The following UHRF2 variants were observed in gnomAD, a reference collection of about 807,000 sequenced individuals.
UHRF2 encodes ubiquitin like with PHD and ring finger domains 2.
UHRF2 carries 23 observed loss-of-function variants against 96.8 expected under a neutral mutation model. The observed-to-expected ratio is 0.24, with a 90% CI of 0.17 to 0.34. UHRF2 has a LOEUF of 0.34. Ranked by LOEUF, UHRF2 falls within the 10% of genes least tolerant of loss-of-function variation. The probability of loss-of-function intolerance (pLI) is 1.00; values close to 1 mark genes in which losing one functional copy is unlikely to be tolerated. For missense variants in UHRF2, 685 were observed against 981.5 expected (o/e 0.70, Z 4.04); for synonymous variants, 385 against 332.6 (o/e 1.16, Z -1.72).
intron 2 of UHRF2, among the ~76,000 whole-genome samples, chr9:6,421,614 A>G (rs543152868): frequency 6.6e-6 from 1 of 152,186 alleles, no homozygotes; most frequent in East Asian, 1.9e-4. Context: ...ACAGGGTTTC[A>G]CCATGTAGGC....
Position 6,500,490 on chromosome 9 carries a change from G to T in UHRF2, c.2006-62G>T. The stretch of plus-strand genomic sequence containing the variant: ...ATTACTTGTGCCAGTTAACTCTTTT[G>T]TTTCATAGTTCTGCTTAGAACCACT... On this transcript the variant is annotated intron_variant, in intron 13 of 15. Coordinates refer to ENST00000276893, the MANE Select transcript of UHRF2 (RefSeq NM_152896.3). The T allele has an allele frequency of 2.1e-6, 3 of 1,421,006 alleles. No homozygotes were observed. In the South Asian group the frequency reaches 4.4e-5, roughly 21 times the overall value. The allele number at this position is 1,421,006 out of a possible 1,614,324, so 88.0% of individuals were successfully genotyped here. A position where few individuals can be genotyped will look rare whatever the true frequency, so the allele number is the denominator to read the frequency against.
intron 4 of UHRF2, among the ~76,000 whole-genome samples, chr9:6,472,386 G>A (rs1481950014): frequency 6.6e-6 from 1 of 152,060 alleles, no homozygotes; most frequent in African/African-American, 2.4e-5. Context: ...TGCTTACAAG[G>A]AAAACATTCC....
intron 3 of UHRF2, among the ~76,000 whole-genome samples, chr9:6,454,156 G>C (rs928507343): frequency 6.6e-6 from 1 of 152,136 alleles, no homozygotes; most frequent in African/African-American, 2.4e-5. Context: ...CAAAAGATTT[G>C]GTAACTTTCC....
rs202179265 is a variant in UHRF2, at chr9:6,413,677, G to C, written c.153+34G>C. 1,506 of 1,528,364 alleles carry C rather than the reference G, an allele frequency of 9.9e-4. 8 individuals carry two copies. In the African/African-American group the frequency reaches 0.018, roughly 19 times the overall value. The allele number at this position is 1,528,364 out of a possible 1,614,324, so 94.7% of individuals were successfully genotyped here. Reference sequence around the variant, plus strand: ...CGCCCGCCGCGCCCCTAGCGAGGCTGGGGGCCGGAACAGCTGGGCTCCTCT... The same window carrying C: ...CGCCCGCCGCGCCCCTAGCGAGGCTCGGGGCCGGAACAGCTGGGCTCCTCT... On this transcript the variant is annotated intron_variant, in intron 1 of 15. Coordinates refer to ENST00000276893, the MANE Select transcript of UHRF2 (RefSeq NM_152896.3).
chr9:6,416,987 A>G (rs1563736957), intron 1 of UHRF2, among the ~76,000 whole-genome samples: 1 of 152,192 alleles, frequency 6.6e-6, no homozygotes, highest in Non-Finnish European at 1.5e-5. Flanking sequence ...GTTTTCACAC[A>G]GAATATAAAA....
At chr9:6,488,636 C>T (rs1305668084) in intron 9 of UHRF2, among the ~76,000 whole-genome samples, 6 of 147,352 alleles carry the variant, frequency 4.1e-5, no homozygotes, top group Non-Finnish European at 1.5e-5. Flanking sequence ...CAAGCAGCCT[C>T]CTGAATAGCT....
Position 6,507,003 on chromosome 9 carries a change from T to C in UHRF2, c.*824T>C, listed in dbSNP as rs567746533. On this transcript the variant is annotated 3_prime_UTR_variant, in exon 16 of 16. Coordinates refer to ENST00000276893, the MANE Select transcript of UHRF2 (RefSeq NM_152896.3). Reference sequence around the variant, plus strand: ...TCATATTGTGATCCTAAATTTTATATTCACTATATTCCCTAAAGTATACCT... The same window carrying C: ...TCATATTGTGATCCTAAATTTTATACTCACTATATTCCCTAAAGTATACCT... 6.6e-6 allele frequency: 1 copy of C among 152,616 alleles called. No homozygotes were observed. Among genetic ancestry groups the C allele is most frequent in the South Asian group, 2.1e-4 (1 of 4,822 alleles). 9.5% of individuals were successfully genotyped at this position (152,616 alleles called of 1,614,324 possible).
At chr9:6,505,689 T>C (rs1024501408) in intron 15 of UHRF2, among the ~76,000 whole-genome samples, 1 of 152,202 alleles carries the variant, frequency 6.6e-6, no homozygotes, top group African/African-American at 2.4e-5. Flanking sequence ...AGATTTTTTT[T>C]CCCCCTCTAG....
chr9:6,461,669 G>A (rs1207941367), intron 4 of UHRF2, among the ~76,000 whole-genome samples: 1 of 151,952 alleles, frequency 6.6e-6, no homozygotes, highest in Non-Finnish European at 1.5e-5. Context: ...ACTGCGCCCA[G>A]CTTTCTATCA....
At chr9:6,466,554 A>T (rs944694537) in intron 4 of UHRF2, among the ~76,000 whole-genome samples, 2 of 942 alleles carry the variant, frequency 2.1e-3, no homozygotes, top group Non-Finnish European at 5.0e-3. Flanking sequence ...AAAAAAGGAA[A>T]AAAAAAAAAA....
chr9:6,505,144 C>G (rs1197351419), intron 15 of UHRF2, among the ~76,000 whole-genome samples: 1 of 151,992 alleles, frequency 6.6e-6, no homozygotes, highest in Non-Finnish European at 1.5e-5. Context: ...CTTGCTCTAC[C>G]CAGTGGTGAT....
rs137948215 is a variant in UHRF2, at chr9:6,447,912, C to T, written c.645-12661C>T. Among the ~76,000 whole-genome samples, 856 of 152,218 alleles carry T rather than the reference C, an allele frequency of 5.6e-3. 9 individuals are homozygous for T. Among genetic ancestry groups the T allele is most frequent in the African/African-American group, 0.019 (779 of 41,512 alleles). On this transcript the variant is annotated intron_variant, in intron 3 of 15. Transcript: ENST00000276893. ...ATTCACTAGGTAGTTTGGAGGAAGGCATGTGGAATAGAACTAAAAACAAGA... is the reference window on the plus strand; with the variant it reads ...ATTCACTAGGTAGTTTGGAGGAAGGTATGTGGAATAGAACTAAAAACAAGA...
intron 3 of UHRF2, among the ~76,000 whole-genome samples, chr9:6,457,063 A>G (rs1822225653): frequency 6.6e-6 from 1 of 152,170 alleles, no homozygotes; most frequent in Non-Finnish European, 1.5e-5. Flanking sequence ...TGTCAGTTTG[A>G]TGGGGACAGC....
rs557578838 is a variant in UHRF2, at chr9:6,420,469, G to A, written c.154-443G>A. On this transcript the variant is annotated intron_variant, in intron 1 of 15. Coordinates refer to ENST00000276893, the MANE Select transcript of UHRF2 (RefSeq NM_152896.3). ...TGTAATCCCAGCACTTTGGGAGGTC[G>A]AGGTGGGTGGATCACGAGGTCAGGA... Among the ~76,000 whole-genome samples the A allele has an allele frequency of 6.6e-5, 10 of 151,508 alleles. No individual in the cohort carries two copies. The South Asian group carries it at 1.9e-3, about 29-fold the overall frequency.
intron 2 of UHRF2, 63 bp downstream of exon 2, chr9:6,421,205 A>G: frequency 2.4e-6 from 3 of 1,254,134 alleles, no homozygotes; most frequent in Non-Finnish European, 3.3e-6. Context: ...TCTGTTCAGG[A>G]TGTTTTGAAT....
intron 2 of UHRF2, among the ~76,000 whole-genome samples, chr9:6,425,808 T>C (rs1467887574): frequency 1.3e-5 from 2 of 152,116 alleles, no homozygotes; most frequent in African/African-American, 4.8e-5. Context: ...GCTCTAGGTA[T>C]GCTTCTTACT....
At chr9:6,503,990 G>C (rs1007367588) in intron 14 of UHRF2, among the ~76,000 whole-genome samples, 2 of 126,940 alleles carry the variant, frequency 1.6e-5, no homozygotes, top group African/African-American at 6.1e-5. Context: ...AAAATCAAGA[G>C]TACTTGATTT....
intron 5 of UHRF2, among the ~76,000 whole-genome samples, chr9:6,477,413 C>T (rs1392302442): frequency 1.3e-5 from 2 of 151,932 alleles, no homozygotes; most frequent in Non-Finnish European, 2.9e-5. Flanking sequence ...GTAATCCCAG[C>T]TACTCGAGAA....
Position 6,413,434 on chromosome 9 carries a change from G to T in UHRF2, c.-57G>T. ...GAAAGCGGCGCGGGCCGGGCGGGGC[G>T]CGGCGCCCAGAGCTCAGGGGGAGAC... On this transcript the variant is annotated 5_prime_UTR_variant, in exon 1 of 16. Transcript: ENST00000276893. 5 of 1,321,148 alleles carry T rather than the reference G, an allele frequency of 3.8e-6. No individual in the cohort carries two copies. 81.8% of individuals were successfully genotyped at this position (1,321,148 alleles called of 1,614,324 possible). A position where few individuals can be genotyped will look rare whatever the true frequency, so the allele number is the denominator to read the frequency against.
Sources: allele counts gnomAD v4.1 joint callset (sites outside exome capture counted in the v4.1 genomes callset), GRCh38; gene constraint gnomAD v4.1.1; transcripts MANE v1.5; gene names NCBI Gene and HGNC (gene_info 2026-07-23, HGNC 2026-07-21).